SGK3: variants seen among roughly 807,000 people sequenced by gnomAD.
SGK3 encodes the protein serine/threonine-protein kinase Sgk3.
Under a neutral mutation model 68.5 loss-of-function variants are expected in SGK3, and 47 were observed. The ratio of observed to expected loss-of-function variants is 0.69; its 90% CI spans 0.54 to 0.87. SGK3 has a LOEUF of 0.87. Ranked by LOEUF, SGK3 falls within the 40% of genes least tolerant of loss-of-function variation. The pLI is 0.00. For missense variants in SGK3, 479 were observed against 575.5 expected, an observed-to-expected ratio of 0.83 and a Z score of 1.72; for synonymous variants, 181 against 189.1, an observed-to-expected ratio of 0.96 and a Z score of 0.35.
chr8:66,755,375 A>G lies in SGK3; in HGVS notation c.-121-38241A>G, dbSNP rs184036331. Reference sequence around the variant, plus strand: ...GTACAATAACCCCCTTGGGGATGTTAAGTAAAACTGATAAAACTGTGTTGT... The same window carrying G: ...GTACAATAACCCCCTTGGGGATGTTGAGTAAAACTGATAAAACTGTGTTGT... On this transcript the variant is annotated intron_variant, in intron 1 of 16. Transcript: ENST00000521198. Among the ~76,000 whole-genome samples the G allele has an allele frequency of 1.2e-4, 18 of 152,302 alleles. No individual in the cohort carries two copies. In the East Asian group the frequency reaches 2.9e-3, roughly 24 times the overall value.
intron 16 of SGK3, among the ~76,000 whole-genome samples, chr8:66,858,909 G>A (rs147754370): frequency 1.3e-5 from 2 of 152,234 alleles, no homozygotes; most frequent in African/African-American, 2.4e-5. Context: ...GTTTTAGGAG[G>A]ACAGATAACT....
chr8:66,741,635 A>G (rs1805482705), intron 1 of SGK3, among the ~76,000 whole-genome samples: 1 of 151,944 alleles, frequency 6.6e-6, no homozygotes. Flanking sequence ...GGGAGACCGA[A>G]GCAGGCAGAT....
rs1388206491 is a variant in SGK3, at chr8:66,786,755, A to G, written c.-121-6861A>G. ...GAATCTCTTTCAAACATCTGCTTCC[A>G]TACCTGCCTGGCTTTATTTTTAGCT... On this transcript the variant is annotated intron_variant, in intron 1 of 16. Coordinates refer to ENST00000521198, the MANE Select transcript of SGK3 (RefSeq NM_001033578.3). Among the ~76,000 whole-genome samples, 3 of 152,190 alleles carry G rather than the reference A, an allele frequency of 2.0e-5. No individual in the cohort carries two copies. In the East Asian group the frequency reaches 5.8e-4, roughly 29 times the overall value.
At chr8:66,743,873 A>G (rs1264770494) in intron 1 of SGK3, among the ~76,000 whole-genome samples, 1 of 152,114 alleles carries the variant, frequency 6.6e-6, no homozygotes, top group Non-Finnish European at 1.5e-5. Context: ...TTGCCATACA[A>G]TTTTCCACAG....
chr8:66,770,729 A>G (rs1806481814), intron 1 of SGK3, among the ~76,000 whole-genome samples: 1 of 152,156 alleles, frequency 6.6e-6, no homozygotes, highest in Admixed American at 6.5e-5. Flanking sequence ...CTTCACATGC[A>G]TGCACTGATC....
intron 10 of SGK3, among the ~76,000 whole-genome samples, chr8:66,836,841 A>T (rs1809556043): frequency 6.9e-6 from 1 of 145,490 alleles, no homozygotes. Flanking sequence ...CAGTGGTCAC[A>T]GCTCGCTACA....
chr8:66,827,386 C>CAA (rs757439616), intron 6 of SGK3, among the ~76,000 whole-genome samples: 44 of 51,924 alleles, frequency 8.5e-4, no homozygotes, highest in South Asian at 1.3e-3. Context: ...AACTCTATCT[C>CAA]AAAAAAAAAA....
intron 4 of SGK3, among the ~76,000 whole-genome samples, chr8:66,808,367 C>T (rs1367927539): frequency 6.6e-6 from 1 of 152,096 alleles, no homozygotes. Context: ...AAAACAAAAA[C>T]CCATGGACAA....
At chr8:66,798,395 T>C in intron 2 of SGK3, 147 bp from the exon 3 acceptor site, 1 of 562,036 alleles carries the variant, frequency 1.8e-6, no homozygotes, top group Non-Finnish European at 3.1e-6. Flanking sequence ...TAATATCAGT[T>C]TCGGAATATG....
In SGK3 at chr8:66,834,897, G is replaced by A. The variant is rs559131764; in HGVS notation, c.526-866G>A. Among the ~76,000 whole-genome samples the A allele has an allele frequency of 4.1e-5, 6 of 145,478 alleles. No individual in the cohort carries two copies. The South Asian group carries it at 6.5e-4, about 16-fold the overall frequency. ...GGAGCTTGCAGTGAGCCGAGATCGC[G>A]CCACTGCACTCCAGCCTGGGCGACA... On this transcript the variant is annotated intron_variant, in intron 8 of 16. Coordinates refer to ENST00000521198, the MANE Select transcript of SGK3 (RefSeq NM_001033578.3).
chr8:66,802,441 C>A (rs1807983312), intron 3 of SGK3, among the ~76,000 whole-genome samples: 1 of 152,068 alleles, frequency 6.6e-6, no homozygotes, highest in Non-Finnish European at 1.5e-5. Flanking sequence ...AGTATCCCAG[C>A]ACTTTGCAAG....
At chr8:66,828,787 CTAATT>C (rs1455536775) in intron 7 of SGK3, 84 bp downstream of exon 7, 2 of 1,505,958 alleles carry the variant, frequency 1.3e-6, no homozygotes, top group Non-Finnish European at 9.2e-7. Flanking sequence ...TATAATTACA[CTAATT>C]TAACTGTAGG....
rs756505062 is a variant in SGK3, at chr8:66,798,524, A to G, written c.97-18A>G. The G allele has an allele frequency of 3.1e-6, 5 of 1,593,036 alleles. No homozygotes were observed. Among genetic ancestry groups the G allele is most frequent in the Non-Finnish European group, 4.3e-6 (5 of 1,170,670 alleles). On this transcript the variant is annotated intron_variant, in intron 2 of 16. Transcript: ENST00000521198. ...GCAATTAAATTGTGTTATATTATGTAATTTTTTATTTCCACAGGTTTATAA... is the reference window on the plus strand; with the variant it reads ...GCAATTAAATTGTGTTATATTATGTGATTTTTTATTTCCACAGGTTTATAA...
chr8:66,812,170 T>C (rs1308867195), intron 4 of SGK3, among the ~76,000 whole-genome samples: 2 of 152,192 alleles, frequency 1.3e-5, no homozygotes, highest in Non-Finnish European at 2.9e-5. Flanking sequence ...CCAAAACTCA[T>C]TGTCAAGTGG....
intron 10 of SGK3, among the ~76,000 whole-genome samples, chr8:66,837,891 G>GGTTGTC (rs1355082430): frequency 1.3e-5 from 2 of 152,192 alleles, no homozygotes; most frequent in East Asian, 3.8e-4. Flanking sequence ...TCACCTTGAA[G>GGTTGTC]GTTGTCGTTT....
rs757439616 is a variant in SGK3, at chr8:66,827,386, CAAAAAAAAAA to C, written c.418-1255_418-1246del. The stretch of plus-strand genomic sequence containing the variant: ...GGGCAACAAGAGTGAAACTCTATCT[CAAAAAAAAAA>C]AAAAAAAAAAAAGTATTGGTTCTGA... On this transcript the variant is annotated intron_variant, in intron 6 of 16. Transcript: ENST00000521198. Among the ~76,000 whole-genome samples, 5 of 52,338 alleles carry C rather than the reference CAAAAAAAAAA, an allele frequency of 9.6e-5. No homozygotes were observed. The South Asian group carries it at 2.5e-3, about 26-fold the overall frequency. 34.3% of individuals were successfully genotyped at this position (52,338 alleles called of 152,430 possible). A position where few individuals can be genotyped will look rare whatever the true frequency, so the allele number is the denominator to read the frequency against.
chr8:66,778,181 C>T (rs1806793284), intron 1 of SGK3: 1 of 152,206 alleles, frequency 6.6e-6, no homozygotes, highest in African/African-American at 2.4e-5. Context: ...TTGAAAGCTT[C>T]GGGCATTGGT....
chr8:66,762,248 C>T (rs965057823), intron 1 of SGK3, among the ~76,000 whole-genome samples: 2 of 152,140 alleles, frequency 1.3e-5, no homozygotes, highest in Non-Finnish European at 1.5e-5. Flanking sequence ...AGATTACAGA[C>T]GTGAGCCACC....
rs747243023 is a variant in SGK3, at chr8:66,767,589, G to A, written c.-121-26027G>A. The A allele has an allele frequency of 2.2e-5, 31 of 1,392,880 alleles. No homozygotes were observed. The Middle Eastern group carries it at 5.3e-4, about 24-fold the overall frequency. The allele number at this position is 1,392,880 out of a possible 1,614,324, so 86.3% of individuals were successfully genotyped here. ...TCATGAGAGGCACTTCACTCAAGGG[G>A]AGATGTGCAATCTGGTGCTCTTCAG... On this transcript the variant is annotated intron_variant, in intron 1 of 16. Coordinates refer to ENST00000521198, the MANE Select transcript of SGK3 (RefSeq NM_001033578.3).
Sources: gnomAD v4.1 joint callset for allele counts (sites outside exome capture counted in the v4.1 genomes callset) on GRCh38, gnomAD v4.1.1 for gene constraint, MANE v1.5 for transcripts, NCBI Gene and HGNC (gene_info 2026-07-23, HGNC 2026-07-21) for gene names.